The following GALNT13 variants were observed in gnomAD, a reference collection of about 807,000 sequenced individuals.
The protein encoded by GALNT13 is polypeptide N-acetylgalactosaminyltransferase 13.
GALNT13 carries 28 observed loss-of-function variants against 64.2 expected under a neutral mutation model. That is an observed-to-expected ratio of 0.44 (90% confidence interval 0.32 to 0.60). The LOEUF is 0.60. GALNT13 is among the 20% of genes least tolerant of loss of function. GALNT13 has a pLI of 0.05. For synonymous variants in GALNT13, 214 were observed against 224.6 expected, an observed-to-expected ratio of 0.95 and a Z score of 0.42; for missense variants, 577 against 669.8, an observed-to-expected ratio of 0.86 and a Z score of 1.53.
chr2:153,419,804 A>C, the GALNT13 span, among the ~76,000 whole-genome samples: 3 of 152,220 alleles, frequency 2.0e-5, no homozygotes, highest in African/African-American at 7.2e-5. Context: ...AGTGAAAATT[A>C]GTTTCACGTG....
chr2:154,367,127 T>G (rs569738100), intron 9 of GALNT13, among the ~76,000 whole-genome samples: 1 of 151,734 alleles, frequency 6.6e-6, no homozygotes, highest in South Asian at 2.1e-4. Flanking sequence ...CTTTTTACAG[T>G]GTAGAGAGTT....
chr2:153,557,557 A>G, the GALNT13 span, among the ~76,000 whole-genome samples: 3 of 152,138 alleles, frequency 2.0e-5, no homozygotes, highest in South Asian at 2.1e-4. Flanking sequence ...TTCATTTACT[A>G]TCATTTCTTG....
intron 3 of GALNT13, among the ~76,000 whole-genome samples, chr2:154,110,074 T>C (rs2105485121): frequency 6.6e-6 from 1 of 151,832 alleles, no homozygotes; most frequent in South Asian, 2.1e-4. Context: ...AAATGTTTCG[T>C]AGAATTCAGC....
At chr2:154,298,775 T>TAAATTATA (rs1559076233) in intron 8 of GALNT13, among the ~76,000 whole-genome samples, 5 of 121,142 alleles carry the variant, frequency 4.1e-5, no homozygotes, top group Non-Finnish European at 6.6e-5. Context: ...AAATTATATA[T>TAAATTATA]TTATTTATAT....
At chr2:153,749,810 G>C in the GALNT13 span, among the ~76,000 whole-genome samples, 1 of 151,738 alleles carries the variant, frequency 6.6e-6, no homozygotes, top group Non-Finnish European at 1.5e-5. Flanking sequence ...ATTGCAGTTT[G>C]GATGCCCTTT....
chr2:154,141,971 A>G (rs1326214433), intron 4 of GALNT13, among the ~76,000 whole-genome samples: 1 of 152,198 alleles, frequency 6.6e-6, no homozygotes, highest in Admixed American at 6.5e-5. Context: ...GCAGAATTGT[A>G]ATTCTAATAT....
chr2:153,378,298 AGATAGATAGAT>A, the GALNT13 span, among the ~76,000 whole-genome samples: 1 of 115,756 alleles, frequency 8.6e-6, no homozygotes, highest in African/African-American at 3.2e-5. Context: ...ATAGATAGAT[AGATAGATAGAT>A]AATTTTTTTT....
At chr2:154,398,360 C>A (rs2691801) in intron 10 of GALNT13, among the ~76,000 whole-genome samples, 51,998 of 151,718 alleles carry the variant, frequency 0.34, 9,295 homozygotes, top group African/African-American at 0.45. Context: ...GGCTCTGTAA[C>A]AGAATTAGAT....
At position 154,294,473 on chromosome 2, in the gene GALNT13, C is replaced by T. The variant is rs116939120; in HGVS notation, c.976-6936C>T. 5.7e-4 allele frequency among the ~76,000 whole-genome samples: 87 copies of T among 152,274 alleles called. No homozygotes were observed. The East Asian group carries it at 0.014, about 25-fold the overall frequency. On this transcript the variant is annotated intron_variant, in intron 8 of 12. Coordinates refer to ENST00000392825, the MANE Select transcript of GALNT13 (RefSeq NM_052917.4). ...GATTTCATTTCCTGTTCTGTGTGCACGTTCAGGATGTAGGGGAAAACAAAA... is the reference window on the plus strand; with the variant it reads ...GATTTCATTTCCTGTTCTGTGTGCATGTTCAGGATGTAGGGGAAAACAAAA...
chr2:153,768,163 A>T, the GALNT13 span, among the ~76,000 whole-genome samples: 1 of 152,210 alleles, frequency 6.6e-6, no homozygotes, highest in Admixed American at 6.5e-5. Flanking sequence ...ATTATTTGTT[A>T]TAATTTTGAG....
intron 3 of GALNT13, among the ~76,000 whole-genome samples, chr2:154,061,797 T>G (rs904835166): frequency 7.2e-5 from 11 of 152,212 alleles, no homozygotes; most frequent in Admixed American, 4.6e-4. Context: ...AGAGTTTTCA[T>G]TAGGAGAAAT....
chr2:153,801,265 T>C, the GALNT13 span, among the ~76,000 whole-genome samples: 1 of 152,190 alleles, frequency 6.6e-6, no homozygotes, highest in Non-Finnish European at 1.5e-5. Context: ...ATTTTTCCTT[T>C]ACATTCACAT....
intron 4 of GALNT13, among the ~76,000 whole-genome samples, chr2:154,213,829 TA>T: frequency 6.6e-6 from 1 of 152,348 alleles, no homozygotes; most frequent in African/African-American, 2.4e-5. Flanking sequence ...TGTATTTACC[TA>T]AAATCAATTC....
intron 4 of GALNT13, among the ~76,000 whole-genome samples, chr2:154,140,793 C>T (rs549527726): frequency 2.0e-5 from 3 of 152,188 alleles, no homozygotes; most frequent in Middle Eastern, 3.4e-3. Flanking sequence ...CTTTCTTTAT[C>T]GTACCAGATT....
the GALNT13 span, among the ~76,000 whole-genome samples, chr2:153,538,439 G>C: frequency 4.2e-5 from 5 of 120,394 alleles, no homozygotes; most frequent in African/African-American, 1.6e-4. Flanking sequence ...TGTGCACATT[G>C]TGCAGGTTAG....
chr2:153,462,230 T>TA, the GALNT13 span, among the ~76,000 whole-genome samples: 2 of 152,044 alleles, frequency 1.3e-5, no homozygotes, highest in Non-Finnish European at 2.9e-5. Context: ...AAATAGTAGG[T>TA]AAAAAAATCT....
chr2:154,171,484 A>G (rs75286621), intron 4 of GALNT13, among the ~76,000 whole-genome samples: 1,923 of 152,256 alleles, frequency 0.013, 39 homozygotes, highest in African/African-American at 0.044. Flanking sequence ...CAAATCAGGT[A>G]TTAGTCCCAT....
chr2:153,464,441 C>A, the GALNT13 span, among the ~76,000 whole-genome samples: 1 of 152,082 alleles, frequency 6.6e-6, no homozygotes, highest in African/African-American at 2.4e-5. Context: ...CATTGCAAAG[C>A]ATATGCTACT....
chr2:153,725,457 TAAA>T, the GALNT13 span, among the ~76,000 whole-genome samples: 3 of 145,820 alleles, frequency 2.1e-5, no homozygotes, highest in African/African-American at 5.1e-5. Flanking sequence ...AAAGTATAAT[TAAA>T]AAAAAATAAT....
Sources: allele counts gnomAD v4.1 joint callset (sites outside exome capture counted in the v4.1 genomes callset), GRCh38; gene constraint gnomAD v4.1.1; transcripts MANE v1.5; gene names NCBI Gene and HGNC (gene_info 2026-07-23, HGNC 2026-07-21).